The following RASEF variants were observed in gnomAD, a reference collection of about 807,000 sequenced individuals.
RASEF encodes the protein RAS and EF-hand domain containing.
A neutral mutation model predicts 90.1 loss-of-function variants in RASEF; 68 were observed. The ratio of observed to expected loss-of-function variants is 0.75; its 90% confidence interval spans 0.62 to 0.92. RASEF has a LOEUF of 0.92. RASEF is among the 40% of genes least tolerant of loss of function. The pLI is 0.00. For missense variants in RASEF, 949 were observed against 937.2 expected, an observed-to-expected ratio of 1.01 and a Z score of -0.16; for synonymous variants, 331 against 345.2, an observed-to-expected ratio of 0.96 and a Z score of 0.46.
At chr9:83,092,003 C>CTTTTTTTTTTTTTTTTTTTTTT in the RASEF span, among the ~76,000 whole-genome samples, 89 of 35,928 alleles carry the variant, frequency 2.5e-3, 15 homozygotes, top group South Asian at 3.8e-3. Flanking sequence ...TCTTTTATTT[C>CTTTTTTTTTTTTTTTTTTTTTT]TTTTTTTTTT....
At chr9:83,142,372 C>A in the RASEF span, among the ~76,000 whole-genome samples, 1 of 152,184 alleles carries the variant, frequency 6.6e-6, no homozygotes, top group Non-Finnish European at 1.5e-5. Context: ...AGCAGGTGTG[C>A]TTATTTGATG....
At chr9:83,211,484 G>A in the RASEF span, among the ~76,000 whole-genome samples, 1 of 152,218 alleles carries the variant, frequency 6.6e-6, no homozygotes, top group Middle Eastern at 3.4e-3. Context: ...GTCAAAGAAC[G>A]AGAAGACTCT....
At chr9:83,094,346 A>G in the RASEF span, among the ~76,000 whole-genome samples, 14 of 151,944 alleles carry the variant, frequency 9.2e-5, 1 homozygote, top group African/African-American at 3.2e-4. Context: ...AATATTGTTT[A>G]TGTTGATTAT....
At chr9:83,017,663 T>A in intron 3 of RASEF, among the ~76,000 whole-genome samples, 1 of 152,294 alleles carries the variant, frequency 6.6e-6, no homozygotes, top group East Asian at 1.9e-4. Flanking sequence ...TTCACAAACT[T>A]CCAGTAAACT....
the RASEF span, among the ~76,000 whole-genome samples, chr9:83,103,868 T>C: frequency 6.6e-6 from 1 of 152,206 alleles, no homozygotes; most frequent in Non-Finnish European, 1.5e-5. Context: ...TATTAAGCAA[T>C]AGAATTCCTA....
At chr9:83,148,378 C>T in the RASEF span, among the ~76,000 whole-genome samples, 2 of 152,166 alleles carry the variant, frequency 1.3e-5, no homozygotes, top group Non-Finnish European at 2.9e-5. Flanking sequence ...TCCAATATAA[C>T]TGGTATCCTT....
At chr9:83,129,032 T>C in the RASEF span, among the ~76,000 whole-genome samples, 2 of 152,250 alleles carry the variant, frequency 1.3e-5, no homozygotes, top group African/African-American at 2.4e-5. Context: ...AGGTCAGTTA[T>C]CTTTAAACAA....
At chr9:83,161,344 G>C in the RASEF span, among the ~76,000 whole-genome samples, 1 of 152,188 alleles carries the variant, frequency 6.6e-6, no homozygotes, top group Non-Finnish European at 1.5e-5. Flanking sequence ...ATCTGGATGT[G>C]AGACATGGAA....
At chr9:83,014,009 T>G (rs897471689) in intron 4 of RASEF, among the ~76,000 whole-genome samples, 1 of 152,224 alleles carries the variant, frequency 6.6e-6, no homozygotes, top group Non-Finnish European at 1.5e-5. Flanking sequence ...TTCAGACCAC[T>G]TGGGCCTCAT....
chr9:83,098,149 C>G, the RASEF span, among the ~76,000 whole-genome samples: 7 of 152,046 alleles, frequency 4.6e-5, no homozygotes, highest in African/African-American at 9.7e-5. Context: ...TGCAAGCAAC[C>G]AGGTTCTCTA....
chr9:83,169,247 A>G, the RASEF span, among the ~76,000 whole-genome samples: 3 of 152,048 alleles, frequency 2.0e-5, no homozygotes, highest in Non-Finnish European at 4.4e-5. Context: ...TTATCCATTC[A>G]TTCACTGATA....
At position 83,043,397 on chromosome 9, in the gene RASEF, T is replaced by TGA. The variant is rs1554709863; in HGVS notation, c.432-17477_432-17476insTC. Among the ~76,000 whole-genome samples the TGA allele has an allele frequency of 9.1e-3, 1,084 of 119,508 alleles. 12 individuals are homozygous for TGA. Among genetic ancestry groups the TGA allele is most frequent in the African/African-American group, 0.03 (1,026 of 34,202 alleles). 78.4% of individuals were successfully genotyped at this position (119,508 alleles called of 152,430 possible). ...TCTGGAAAGAGGGGTCTGCAGTGAT[T>TGA]GGGGGGGGGGACCCTGGGCTTCTGC... On this transcript the variant is annotated intron_variant, in intron 1 of 16. Coordinates refer to ENST00000376447, the MANE Select transcript of RASEF (RefSeq NM_152573.4).
the RASEF span, among the ~76,000 whole-genome samples, chr9:83,145,564 A>C: frequency 6.6e-6 from 1 of 152,050 alleles, no homozygotes; most frequent in South Asian, 2.1e-4. Flanking sequence ...ACAACTTCTA[A>C]GGTTGGTCTA....
the RASEF span, among the ~76,000 whole-genome samples, chr9:83,127,124 A>G: frequency 6.6e-6 from 1 of 152,218 alleles, no homozygotes; most frequent in Non-Finnish European, 1.5e-5. Flanking sequence ...GGCATCTTTA[A>G]TGCAGTAAAA....
At chr9:83,173,741 TG>T in the RASEF span, among the ~76,000 whole-genome samples, 1 of 151,962 alleles carries the variant, frequency 6.6e-6, no homozygotes, top group South Asian at 2.1e-4. Context: ...TTGTTACTGG[TG>T]CCTTATTTAG....
intron 15 of RASEF, among the ~76,000 whole-genome samples, chr9:82,992,373 AT>A (rs1309928837): frequency 1.6e-4 from 24 of 152,210 alleles, no homozygotes; most frequent in Non-Finnish European, 2.5e-4. Context: ...GTTTATTCCT[AT>A]ATACAAATGC....
At chr9:82,985,561 C>G (rs932771897) in intron 16 of RASEF, among the ~76,000 whole-genome samples, 1 of 152,124 alleles carries the variant, frequency 6.6e-6, no homozygotes, top group Non-Finnish European at 1.5e-5. Flanking sequence ...CAGTAAGACA[C>G]CAATGTGGGG....
intron 1 of RASEF, among the ~76,000 whole-genome samples, chr9:83,056,431 G>C (rs781538181): frequency 2.0e-5 from 3 of 152,102 alleles, no homozygotes; most frequent in Non-Finnish European, 4.4e-5. Context: ...CTGCACTCAA[G>C]TGCTACCTAA....
At position 82,982,797 on chromosome 9, in the gene RASEF, G is replaced by A. The variant is rs1026533884; in HGVS notation, c.2118-15C>T. The A allele has an allele frequency of 1.6e-6, 2 of 1,217,452 alleles. No individual in the cohort carries two copies. Among genetic ancestry groups the A allele is most frequent in the South Asian group, 1.2e-5 (1 of 81,860 alleles). The allele number at this position is 1,217,452 out of a possible 1,614,324, so 75.4% of individuals were successfully genotyped here. ...TTTTCACTTCTCTGAGACAGAGATA[G>A]AGAGAGACAGAGAGAGAGAGAGAGA... is the stretch of plus-strand genomic sequence containing the variant. On this transcript the variant is annotated splice_polypyrimidine_tract_variant and intron_variant, in intron 16 of 16. Coordinates refer to ENST00000376447, the MANE Select transcript of RASEF (RefSeq NM_152573.4).
Sources: gnomAD v4.1 joint callset for allele counts (sites outside exome capture counted in the v4.1 genomes callset) on GRCh38, gnomAD v4.1.1 for gene constraint, MANE v1.5 for transcripts, NCBI Gene and HGNC (gene_info 2026-07-23, HGNC 2026-07-21) for gene names.